C8orf34: variants seen among roughly 807,000 people sequenced by gnomAD.
C8orf34 encodes uncharacterized protein C8orf34.
A neutral mutation model predicts 68.3 loss-of-function variants in C8orf34; 65 were observed. The ratio of observed to expected loss-of-function variants is 0.95; its 90% CI spans 0.78 to 1.17. The LOEUF (loss-of-function observed/expected upper bound fraction) is 1.17. Among genes scored for constraint, C8orf34 ranks in the 50% most tolerant of loss-of-function variants. The pLI is 0.00. For missense variants in C8orf34, 664 were observed against 655.4 expected (o/e 1.01, Z -0.14); for synonymous variants, 244 against 241.2 (o/e 1.01, Z -0.11).
intron 4 of C8orf34, among the ~76,000 whole-genome samples, chr8:68,475,578 G>A (rs866953793): frequency 6.6e-6 from 1 of 152,160 alleles, no homozygotes; most frequent in African/African-American, 2.4e-5. Context: ...ACATGGGTTT[G>A]GCTGTTAGTA....
chr8:68,413,060 G>T (rs1013013855), intron 1 of C8orf34, among the ~76,000 whole-genome samples: 1 of 152,134 alleles, frequency 6.6e-6, no homozygotes, highest in Admixed American at 6.6e-5. Context: ...CTGTGCAGCT[G>T]AACACGGTTG....
At position 68,805,816 on chromosome 8, in the gene C8orf34, C is replaced by T. The variant is rs188326595; in HGVS notation, c.1550-10070C>T. On this transcript the variant is annotated intron_variant, in intron 12 of 13. Transcript: ENST00000518698. ...GTTTAACTCATTTAGTTTACTTGTG[C>T]GTAGTGTAATTATTATTATACTTAT... Among the ~76,000 whole-genome samples the T allele has an allele frequency of 3.6e-3, 552 of 152,148 alleles. 2 individuals carry two copies. Among genetic ancestry groups the T allele is most frequent in the Non-Finnish European group, 5.2e-3 (354 of 67,976 alleles).
chr8:68,746,971 T>C (rs1260815624), intron 10 of C8orf34, among the ~76,000 whole-genome samples: 1 of 150,334 alleles, frequency 6.7e-6, no homozygotes, highest in East Asian at 2.0e-4. Flanking sequence ...TGAACATTGA[T>C]GCAAAAATCC....
Position 68,640,435 on chromosome 8 carries a change from T to A in C8orf34, c.1165T>A (p.Phe389Ile). Residue 389 changes from phenylalanine (F) to isoleucine (I), a missense_variant, in exon 8 of 14, where the codon TTT becomes ATT. Coordinates refer to ENST00000518698, the MANE Select transcript of C8orf34 (RefSeq NM_052958.4). The stretch of plus-strand genomic sequence containing the variant: ...AACCCTGGTACCTTCTGGGAGCAAA[T>A]TTAACCAAGGCCGTCCTACTTACCC... Reference protein sequence around the residue: ...VTTLVPSGSKFNQGRPTYPAE... With the variant: ...VTTLVPSGSKINQGRPTYPAE... The A allele has an allele frequency of 6.2e-7, 1 of 1,613,894 alleles. No individual in the cohort carries two copies. The highest frequency in any genetic ancestry group is 8.5e-7 in the Non-Finnish European group (1 of 1,179,886).
At chr8:68,618,252 A>G (rs1363360876) in intron 7 of C8orf34, among the ~76,000 whole-genome samples, 1 of 152,120 alleles carries the variant, frequency 6.6e-6, no homozygotes, top group Middle Eastern at 3.2e-3. Context: ...TTCCATGGTA[A>G]GAATAACATT....
chr8:68,653,059 C>CA, intron 8 of C8orf34, among the ~76,000 whole-genome samples: 1 of 152,096 alleles, frequency 6.6e-6, no homozygotes, highest in African/African-American at 2.4e-5. Flanking sequence ...TTATTTCTGA[C>CA]AAAATACAAT....
At chr8:68,523,708 A>G (rs2129704598) in intron 6 of C8orf34, among the ~76,000 whole-genome samples, 1 of 152,242 alleles carries the variant, frequency 6.6e-6, no homozygotes, top group African/African-American at 2.4e-5. Context: ...AGGATTTTTG[A>G]ATTGATACCA....
rs190193536 is a variant in C8orf34 at position 68,431,991 on chromosome 8, T to G, written c.328-7508T>G. On this transcript the variant is annotated intron_variant, in intron 1 of 13. Transcript: ENST00000518698. ...TTATGACAAATGGATATGATAAACGTAATTTTACATTAAATCATGTTTAAG... is the reference window on the plus strand; with the variant it reads ...TTATGACAAATGGATATGATAAACGGAATTTTACATTAAATCATGTTTAAG... Among the ~76,000 whole-genome samples, 133 of 152,268 alleles carry G rather than the reference T, an allele frequency of 8.7e-4. 2 individuals are homozygous for G. The highest frequency in any genetic ancestry group is 3.1e-3 in the African/African-American group (129 of 41,568).
At chr8:68,628,838 T>C (rs1313628574) in intron 7 of C8orf34, among the ~76,000 whole-genome samples, 1 of 152,222 alleles carries the variant, frequency 6.6e-6, no homozygotes, top group Non-Finnish European at 1.5e-5. Flanking sequence ...GATTATTTCA[T>C]CTAGGCAGCT....
intron 5 of C8orf34, among the ~76,000 whole-genome samples, chr8:68,511,324 A>G (rs183660272): frequency 9.7e-4 from 148 of 152,240 alleles, no homozygotes; most frequent in African/African-American, 3.3e-3. Flanking sequence ...AGTAGCCCCT[A>G]CTGCTGTGTC....
intron 8 of C8orf34, among the ~76,000 whole-genome samples, chr8:68,680,438 G>C (rs1820334028): frequency 1.3e-5 from 2 of 152,262 alleles, no homozygotes; most frequent in African/African-American, 4.8e-5. Flanking sequence ...GAATTTTACA[G>C]CTGGGCCACT....
intron 8 of C8orf34, among the ~76,000 whole-genome samples, chr8:68,641,124 T>C (rs1167137392): frequency 1.3e-5 from 2 of 152,236 alleles, no homozygotes; most frequent in Admixed American, 6.5e-5. Context: ...AAGAGGCTTT[T>C]AAGCCTGTTT....
At chr8:68,640,579 C>G (rs1818976895) in intron 8 of C8orf34, 68 bp downstream of exon 8, 2 of 1,447,088 alleles carry the variant, frequency 1.4e-6, no homozygotes, top group African/African-American at 1.4e-5. Flanking sequence ...GATTTTGATA[C>G]AAAGATTGTA....
intron 7 of C8orf34, among the ~76,000 whole-genome samples, chr8:68,598,594 T>C (rs1174881752): frequency 6.6e-6 from 1 of 152,260 alleles, no homozygotes; most frequent in South Asian, 2.1e-4. Flanking sequence ...CTATTATGAC[T>C]ACTTGTTCTG....
Position 68,792,571 on chromosome 8 carries a change from C to CAAAAA in C8orf34, c.1549+5061_1549+5065dup, listed in dbSNP as rs1162293308. 8.2e-3 allele frequency: 348 copies of CAAAAA among 42,300 alleles called. 10 individuals carry two copies. The highest frequency in any genetic ancestry group is 0.015 in the African/African-American group (218 of 14,288). The allele number at this position is 42,300 out of a possible 1,614,324, so 2.6% of individuals were successfully genotyped here. On this transcript the variant is annotated intron_variant, in intron 12 of 13. Transcript: ENST00000518698. ...TGGGTGACAGAGTGAGACTCCATCTCAAAAAAAAAAAAAAAAAAAAAAAAA... is the reference window on the plus strand; with the variant it reads ...TGGGTGACAGAGTGAGACTCCATCTCAAAAAAAAAAAAAAAAAAAAAAAAAAAAAA...
chr8:68,777,798 A>T (rs1157031623), intron 11 of C8orf34, among the ~76,000 whole-genome samples: 1 of 152,062 alleles, frequency 6.6e-6, no homozygotes, highest in African/African-American at 2.4e-5. Context: ...TAAAGAGAAA[A>T]CCTTTATTTA....
chr8:68,708,849 C>T (rs754246975), intron 8 of C8orf34, 145 bp from the exon 9 acceptor site: 13 of 671,864 alleles, frequency 1.9e-5, no homozygotes, highest in Admixed American at 6.2e-5. Context: ...ATTAAAATGG[C>T]TTTAGTGAAC....
intron 7 of C8orf34, among the ~76,000 whole-genome samples, chr8:68,548,545 AC>A (rs907659235): frequency 1.1e-4 from 16 of 151,914 alleles, no homozygotes; most frequent in Admixed American, 3.3e-4. Context: ...GTTGCTAAGT[AC>A]GTGGAGCAGC....
intron 3 of C8orf34, among the ~76,000 whole-genome samples, chr8:68,451,956 G>A (rs551401779): frequency 5.3e-5 from 8 of 152,030 alleles, no homozygotes; most frequent in Admixed American, 2.6e-4. Flanking sequence ...TATATCATAC[G>A]AGTGAAATCA....
Sources: gnomAD v4.1 joint callset for allele counts (sites outside exome capture counted in the v4.1 genomes callset) on GRCh38, gnomAD v4.1.1 for gene constraint, MANE v1.5 for transcripts, NCBI Gene and HGNC (gene_info 2026-07-23, HGNC 2026-07-21) for gene names.